AGBL3: variants seen among roughly 807,000 people sequenced by gnomAD.
AGBL3 encodes the protein AGBL carboxypeptidase 3.
A neutral mutation model predicts 94.5 loss-of-function variants in AGBL3; 68 were observed. The ratio of observed to expected loss-of-function variants is 0.72; its 90% confidence interval spans 0.59 to 0.88. The LOEUF (loss-of-function observed/expected upper bound fraction) is 0.88, where lower values mean the gene tolerates loss of function less well. Among genes scored for constraint, AGBL3 ranks in the 40% least tolerant of loss-of-function variants. The pLI is 0.00. For synonymous variants in AGBL3, 354 were observed against 370.7 expected (o/e 0.95, Z 0.52); for missense variants, 934 against 1,103.8 (o/e 0.85, Z 2.18).
At chr7:134,996,643 T>C (rs1194961512) in intron 4 of AGBL3, among the ~76,000 whole-genome samples, 1 of 152,240 alleles carries the variant, frequency 6.6e-6, no homozygotes, top group Admixed American at 6.5e-5. Context: ...AATGGATGAA[T>C]CAGAATTTCT....
intron 4 of AGBL3, among the ~76,000 whole-genome samples, chr7:134,994,994 A>C (rs1394278066): frequency 4.6e-5 from 7 of 151,618 alleles, no homozygotes; most frequent in Non-Finnish European, 1.0e-4. Flanking sequence ...CTCCAACCTC[A>C]TTTTTCCTAC....
At chr7:135,032,149 T>A (rs1815811635) in intron 5 of AGBL3, among the ~76,000 whole-genome samples, 1 of 152,214 alleles carries the variant, frequency 6.6e-6, no homozygotes. Flanking sequence ...TGATCTTCTT[T>A]CAAAGATCCT....
intron 11 of AGBL3, among the ~76,000 whole-genome samples, chr7:135,052,443 C>T (rs1206179921): frequency 1.3e-5 from 2 of 152,152 alleles, no homozygotes; most frequent in East Asian, 3.9e-4. Context: ...TCCATAGATT[C>T]GGGGGGCTAT....
intron 5 of AGBL3, among the ~76,000 whole-genome samples, chr7:135,018,346 C>T (rs1398597103): frequency 6.6e-6 from 1 of 152,186 alleles, no homozygotes; most frequent in East Asian, 1.9e-4. Flanking sequence ...CACTATCCTC[C>T]CAACTTCCCA....
intron 11 of AGBL3, among the ~76,000 whole-genome samples, chr7:135,054,191 G>C (rs1480138741): frequency 6.6e-6 from 1 of 152,108 alleles, no homozygotes; most frequent in Non-Finnish European, 1.5e-5. Context: ...CTGTCCTCTT[G>C]CCTTTGGCTG....
intron 4 of AGBL3, among the ~76,000 whole-genome samples, chr7:135,003,971 T>C (rs1264467871): frequency 4.0e-5 from 6 of 151,626 alleles, no homozygotes; most frequent in Non-Finnish European, 8.9e-5. Context: ...TTACTGGTAC[T>C]GTCAAAAAAT....
At position 135,045,553 on chromosome 7, in the gene AGBL3, T is replaced by C. The variant is rs768744709; in HGVS notation, c.1707T>C (p.Tyr569=). 54 of 1,551,032 alleles carry C rather than the reference T, an allele frequency of 3.5e-5. No homozygotes were observed. Among genetic ancestry groups the C allele is most frequent in the Admixed American group, 1.6e-4 (8 of 50,950 alleles). The change falls in exon 10 of 17, where the codon TAT becomes TAC. Residue 569 remains tyrosine, a synonymous_variant. Transcript: ENST00000436302. ...ATTTTTGTGATTCTCTCTTGGATTA[T>C]TGTGATCCCGACCGGACCAAGGTAA... ...GYHFCDSLLD[Y]CDPDRTKYYR...
At chr7:135,054,097 C>T (rs747119377) in intron 11 of AGBL3, among the ~76,000 whole-genome samples, 3 of 152,150 alleles carry the variant, frequency 2.0e-5, no homozygotes, top group Non-Finnish European at 4.4e-5. Context: ...ACTTTCTAAC[C>T]ATATGTGGCA....
chr7:134,994,552 G>T (rs575011209), intron 4 of AGBL3, among the ~76,000 whole-genome samples: 1 of 152,040 alleles, frequency 6.6e-6, no homozygotes. Flanking sequence ...ATTGAGGCAC[G>T]CAAACATATG....
At chr7:135,041,096 C>T (rs962722802) in intron 8 of AGBL3, among the ~76,000 whole-genome samples, 5 of 152,016 alleles carry the variant, frequency 3.3e-5, no homozygotes, top group African/African-American at 9.7e-5. Flanking sequence ...TATGCTGAAG[C>T]CTTAAAAATG....
chr7:135,030,666 T>C (rs1054197154), intron 5 of AGBL3, among the ~76,000 whole-genome samples: 11 of 152,270 alleles, frequency 7.2e-5, no homozygotes, highest in Non-Finnish European at 1.2e-4. Flanking sequence ...CACATATTTT[T>C]TTCCATACCA....
At chr7:135,026,258 T>TTTTATTTTATTTTATTTTATTTTA (rs1815113690) in intron 5 of AGBL3, among the ~76,000 whole-genome samples, 1 of 58,316 alleles carries the variant, frequency 1.7e-5, no homozygotes, top group African/African-American at 4.8e-5. Flanking sequence ...TTTTATTTTA[T>TTTTATTTTATTTTATTTTATTTTA]TTTATTTTAT....
intron 12 of AGBL3, among the ~76,000 whole-genome samples, chr7:135,062,511 C>T (rs935911968): frequency 2.6e-5 from 4 of 151,846 alleles, no homozygotes; most frequent in South Asian, 2.1e-4. Context: ...CATAGATGGC[C>T]TTTATTGTAT....
At chr7:135,046,809 T>A (rs978658556) in intron 11 of AGBL3, among the ~76,000 whole-genome samples, 4 of 152,102 alleles carry the variant, frequency 2.6e-5, no homozygotes, top group Admixed American at 6.6e-5. Context: ...TGTGTAGACA[T>A]AAGTCTTTGA....
At chr7:134,988,656 G>C (rs994672902) in intron 2 of AGBL3, among the ~76,000 whole-genome samples, 3 of 150,712 alleles carry the variant, frequency 2.0e-5, no homozygotes, top group Non-Finnish European at 4.4e-5. Flanking sequence ...TCTTGAGCCA[G>C]AGTTTGAGAT....
At chr7:135,047,588 T>G (rs1817488918) in intron 11 of AGBL3, among the ~76,000 whole-genome samples, 1 of 152,016 alleles carries the variant, frequency 6.6e-6, no homozygotes, top group East Asian at 1.9e-4. Context: ...TGAGGTGATA[T>G]CTCATTGTGT....
At chr7:135,012,645 T>C (rs1488328260) in intron 4 of AGBL3, 3 of 152,106 alleles carry the variant, frequency 2.0e-5, no homozygotes, top group South Asian at 2.1e-4. Flanking sequence ...ACGTGTTTAT[T>C]ACCAAATGAC....
At chr7:134,994,815 A>G (rs898521869) in intron 4 of AGBL3, among the ~76,000 whole-genome samples, 2 of 152,238 alleles carry the variant, frequency 1.3e-5, no homozygotes, top group Non-Finnish European at 2.9e-5. Flanking sequence ...TTATAGGGTT[A>G]AAAATATATT....
intron 15 of AGBL3, among the ~76,000 whole-genome samples, chr7:135,085,721 T>TTTTTAACCATTTATG: frequency 6.6e-6 from 1 of 152,158 alleles, no homozygotes; most frequent in Non-Finnish European, 1.5e-5. Flanking sequence ...TGTTTTTATG[T>TTTTTAACCATTTATG]TTTTAACCAT....
Sources: gnomAD v4.1 joint callset for allele counts (sites outside exome capture counted in the v4.1 genomes callset) on GRCh38, gnomAD v4.1.1 for gene constraint, MANE v1.5 for transcripts, NCBI Gene and HGNC (gene_info 2026-07-23, HGNC 2026-07-21) for gene names.